Variants in RASEF observed in about 807,000 individuals in gnomAD.
RASEF encodes RAS and EF-hand domain containing, also known as ras and EF-hand domain-containing protein.
In RASEF, 68 loss-of-function variants were observed where a neutral mutation model predicts 90.1. The observed-to-expected ratio is 0.75, with a 90% CI of 0.62 to 0.92. The LOEUF is 0.92. Ranked by LOEUF, RASEF falls within the 40% of genes least tolerant of loss-of-function variation. RASEF has a pLI of 0.00. For synonymous variants in RASEF, 331 were observed against 345.2 expected (o/e 0.96, Z 0.46); for missense variants, 949 against 937.2 (o/e 1.01, Z -0.16).
chr9:83,189,980 T>G, the RASEF span, among the ~76,000 whole-genome samples: 2 of 152,226 alleles, frequency 1.3e-5, no homozygotes, highest in Non-Finnish European at 2.9e-5. Context: ...TGGAGTGGCC[T>G]AGGCTCTTGC....
chr9:83,062,943 C>G lies in RASEF; in HGVS notation c.-76G>C, dbSNP rs1330719348. 2.2e-6 allele frequency: 3 copies of G among 1,336,680 alleles called. No homozygotes were observed. The highest frequency in any genetic ancestry group is 2.9e-6 in the Non-Finnish European group (3 of 1,042,656). The allele number at this position is 1,336,680 out of a possible 1,614,324, so 82.8% of individuals were successfully genotyped here. A position where few individuals can be genotyped will look rare whatever the true frequency, so the allele number is the denominator to read the frequency against. ...GGCCCTCCCTGGAAGGACGGGGCCA[C>G]CTGCTGCCGCCGGGAGGCCCGGCGA... On this transcript the variant is annotated 5_prime_UTR_variant, in exon 1 of 17. Coordinates refer to ENST00000376447, the MANE Select transcript of RASEF (RefSeq NM_152573.4).
intron 2 of RASEF, among the ~76,000 whole-genome samples, 169 bp downstream of exon 2, chr9:83,025,606 G>A (rs1279001879): frequency 6.6e-6 from 1 of 152,164 alleles, no homozygotes; most frequent in East Asian, 1.9e-4. Flanking sequence ...TTGATTGGTA[G>A]CTGACCTACT....
At chr9:83,173,910 GTTTA>G in the RASEF span, among the ~76,000 whole-genome samples, 1 of 151,780 alleles carries the variant, frequency 6.6e-6, no homozygotes, top group Non-Finnish European at 1.5e-5. Flanking sequence ...TTGATACGGT[GTTTA>G]TTTATGTAGA....
At chr9:83,164,038 A>G in the RASEF span, among the ~76,000 whole-genome samples, 1 of 151,034 alleles carries the variant, frequency 6.6e-6, no homozygotes, top group East Asian at 1.9e-4. Context: ...TGTAACCTAC[A>G]AAACTATCCT....
chr9:83,020,047 C>A (rs1490924252), intron 3 of RASEF, among the ~76,000 whole-genome samples: 1 of 152,168 alleles, frequency 6.6e-6, no homozygotes, highest in Non-Finnish European at 1.5e-5. Context: ...CCAAACTTCA[C>A]ATATACTGTA....
chr9:83,024,874 C>T (rs1829514337), intron 2 of RASEF, among the ~76,000 whole-genome samples: 1 of 152,140 alleles, frequency 6.6e-6, no homozygotes, highest in Non-Finnish European at 1.5e-5. Flanking sequence ...AGGGCAGCCT[C>T]CTATTAAAAG....
chr9:82,994,054 G>A (rs1034532541), intron 14 of RASEF, among the ~76,000 whole-genome samples: 2 of 152,138 alleles, frequency 1.3e-5, no homozygotes, highest in African/African-American at 4.8e-5. Context: ...AGATACCTGC[G>A]TACTCATTGG....
At chr9:83,148,374 A>G in the RASEF span, among the ~76,000 whole-genome samples, 2 of 152,152 alleles carry the variant, frequency 1.3e-5, no homozygotes, top group Non-Finnish European at 2.9e-5. Context: ...TCAATCCAAT[A>G]TAACTGGTAT....
At chr9:83,036,011 T>A (rs189286429) in intron 1 of RASEF, among the ~76,000 whole-genome samples, 1 of 152,312 alleles carries the variant, frequency 6.6e-6, no homozygotes, top group East Asian at 1.9e-4. Flanking sequence ...CAATCCAGGG[T>A]GAATTTGTTG....
At chr9:83,148,384 T>C in the RASEF span, among the ~76,000 whole-genome samples, 1 of 152,230 alleles carries the variant, frequency 6.6e-6, no homozygotes, top group South Asian at 2.1e-4. Flanking sequence ...ATAACTGGTA[T>C]CCTTATACAA....
upstream of RASEF, among the ~76,000 whole-genome samples, chr9:83,063,414 G>A (rs1830253573): frequency 6.6e-6 from 1 of 152,236 alleles, no homozygotes. Context: ...CCGCACAGAG[G>A]TAAGGTAGGT....
the RASEF span, among the ~76,000 whole-genome samples, chr9:83,218,415 C>G: frequency 1.3e-5 from 2 of 152,110 alleles, no homozygotes; most frequent in Admixed American, 6.5e-5. Flanking sequence ...TGGCCTCCAG[C>G]CAGCTTGAAC....
At chr9:83,048,593 A>T in intron 1 of RASEF, 2 of 984,704 alleles carry the variant, frequency 2.0e-6, no homozygotes, top group Non-Finnish European at 2.4e-6. Flanking sequence ...AATGAATGAA[A>T]AATAGGAAAA....
the RASEF span, among the ~76,000 whole-genome samples, chr9:83,165,967 T>C: frequency 6.6e-6 from 1 of 152,088 alleles, no homozygotes; most frequent in East Asian, 1.9e-4. Context: ...CAGGAAAAAT[T>C]GGGTAATCTG....
chr9:83,112,410 C>T, the RASEF span, among the ~76,000 whole-genome samples: 2 of 152,284 alleles, frequency 1.3e-5, no homozygotes, highest in Non-Finnish European at 2.9e-5. Flanking sequence ...AAGGGCTGAG[C>T]GCGGCGGCTC....
chr9:83,062,005 C>T (rs1411117387), intron 1 of RASEF, among the ~76,000 whole-genome samples: 1 of 152,226 alleles, frequency 6.6e-6, no homozygotes, highest in African/African-American at 2.4e-5. Flanking sequence ...CTTAGGAAAA[C>T]GACAAATCAG....
At chr9:83,083,976 A>C in the RASEF span, among the ~76,000 whole-genome samples, 5 of 152,288 alleles carry the variant, frequency 3.3e-5, no homozygotes, top group African/African-American at 1.2e-4. Flanking sequence ...AATTCAAAGA[A>C]TCTATAGGTT....
chr9:83,001,379 A>G (rs1011623422), intron 9 of RASEF, among the ~76,000 whole-genome samples: 3 of 152,226 alleles, frequency 2.0e-5, no homozygotes, highest in African/African-American at 7.2e-5. Flanking sequence ...TAAAAAAATA[A>G]TGTTCTTTAT....
chr9:83,110,664 C>A, the RASEF span, among the ~76,000 whole-genome samples: 1 of 152,078 alleles, frequency 6.6e-6, no homozygotes, highest in Non-Finnish European at 1.5e-5. Context: ...AAAGAATAAA[C>A]CATGTTCACC....
Sources: gnomAD v4.1 joint callset for allele counts (sites outside exome capture counted in the v4.1 genomes callset) on GRCh38, gnomAD v4.1.1 for gene constraint, MANE v1.5 for transcripts, NCBI Gene and HGNC (gene_info 2026-07-23, HGNC 2026-07-21) for gene names.